The following MPZL1 variants were observed in gnomAD, a reference collection of about 807,000 sequenced individuals.
The protein encoded by MPZL1 is myelin protein zero like 1.
In MPZL1, 16 loss-of-function variants were observed where a neutral mutation model predicts 29.3. The observed-to-expected ratio is 0.55, with a 90% CI of 0.37 to 0.83. The LOEUF (loss-of-function observed/expected upper bound fraction) is 0.83, where lower values mean the gene tolerates loss of function less well. MPZL1 is among the 40% of genes least tolerant of loss of function. The pLI is 0.00. For synonymous variants in MPZL1, 143 were observed against 132.0 expected (o/e 1.08, Z -0.57); for missense variants, 279 against 332.9 (o/e 0.84, Z 1.26).
At chr1:167,743,753 AAT>A (rs1660586683) in intron 1 of MPZL1, among the ~76,000 whole-genome samples, 1 of 151,992 alleles carries the variant, frequency 6.6e-6, no homozygotes, top group Admixed American at 6.6e-5. Context: ...TGTTTACATT[AAT>A]TTTGCATCTG....
intron 1 of MPZL1, among the ~76,000 whole-genome samples, chr1:167,761,136 A>G (rs1001159616): frequency 6.6e-6 from 1 of 152,224 alleles, no homozygotes; most frequent in African/African-American, 2.4e-5. Flanking sequence ...TTTATCCAAG[A>G]GAACAGAAGA....
At chr1:167,748,781 T>C (rs967057662) in intron 1 of MPZL1, among the ~76,000 whole-genome samples, 1 of 152,218 alleles carries the variant, frequency 6.6e-6, no homozygotes, top group African/African-American at 2.4e-5. Context: ...TTTATTTGAG[T>C]TAATTTTTGT....
At chr1:167,736,689 T>C (rs1660385109) in intron 1 of MPZL1, among the ~76,000 whole-genome samples, 1 of 152,100 alleles carries the variant, frequency 6.6e-6, no homozygotes, top group Admixed American at 6.6e-5. Flanking sequence ...CTCCCTCCTT[T>C]CCATTGTCCC....
At chr1:167,768,328 C>T (rs1661164479) in intron 2 of MPZL1, among the ~76,000 whole-genome samples, 1 of 152,056 alleles carries the variant, frequency 6.6e-6, no homozygotes, top group Non-Finnish European at 1.5e-5. Flanking sequence ...TTTCCTACTT[C>T]TGAACACTTG....
At chr1:167,769,523 A>T (rs138270375) in intron 2 of MPZL1, among the ~76,000 whole-genome samples, 64 of 152,224 alleles carry the variant, frequency 4.2e-4, no homozygotes, top group African/African-American at 1.3e-3. Flanking sequence ...AGAGAAACAA[A>T]CACATGCTTT....
At chr1:167,773,105 T>G in intron 3 of MPZL1, 131 bp from the exon 4 acceptor site, 1 of 858,132 alleles carries the variant, frequency 1.2e-6, no homozygotes, top group East Asian at 2.5e-5. Context: ...GATAGTAGGA[T>G]CTCATAGTTT....
Position 167,778,523 on chromosome 1 carries a change from AGGATGGAT to A in MPZL1, c.708+2394_708+2401del, listed in dbSNP as rs10666527. Among the ~76,000 whole-genome samples, 406 of 147,342 alleles carry A rather than the reference AGGATGGAT, an allele frequency of 2.8e-3. 3 individuals carry two copies. The highest frequency in any genetic ancestry group is 8.5e-3 in the African/African-American group (337 of 39,534). On this transcript the variant is annotated intron_variant, in intron 5 of 5. Coordinates refer to ENST00000359523, the MANE Select transcript of MPZL1 (RefSeq NM_003953.6). Reference sequence around the variant, plus strand: ...ATAGATGGGTGGAAAGAAGGAAGGAAGGATGGATGGATGGATGGATGGATGGATGGATG... The same window carrying A: ...ATAGATGGGTGGAAAGAAGGAAGGAAGGATGGATGGATGGATGGATGGATG...
At chr1:167,729,484 A>C (rs1243153541) in intron 1 of MPZL1, among the ~76,000 whole-genome samples, 1 of 152,208 alleles carries the variant, frequency 6.6e-6, no homozygotes, top group Non-Finnish European at 1.5e-5. Context: ...GTGGCCAGAC[A>C]GTGTCTAATA....
intron 1 of MPZL1, among the ~76,000 whole-genome samples, chr1:167,754,450 T>C (rs374472121): frequency 6.6e-6 from 1 of 152,232 alleles, no homozygotes; most frequent in Non-Finnish European, 1.5e-5. Context: ...AATGTCCTGT[T>C]AACTCAGGCT....
At chr1:167,747,386 A>G (rs1217801208) in intron 1 of MPZL1, among the ~76,000 whole-genome samples, 2 of 152,048 alleles carry the variant, frequency 1.3e-5, no homozygotes, top group African/African-American at 4.8e-5. Context: ...ATGCCTGGCA[A>G]ATTTTTAAAA....
intron 2 of MPZL1, among the ~76,000 whole-genome samples, chr1:167,771,778 T>G (rs1661255150): frequency 1.3e-5 from 2 of 151,942 alleles, no homozygotes; most frequent in Admixed American, 1.3e-4. Flanking sequence ...GGCAGGTGGC[T>G]GGGAGGTGGA....
At chr1:167,787,477 C>A (rs1406945829) in intron 5 of MPZL1, among the ~76,000 whole-genome samples, 1 of 152,066 alleles carries the variant, frequency 6.6e-6, no homozygotes, top group Non-Finnish European at 1.5e-5. Context: ...AAGACTCTTA[C>A]CCCAATTGTA....
chr1:167,731,670 C>A (rs1660274502), intron 1 of MPZL1, among the ~76,000 whole-genome samples: 1 of 151,870 alleles, frequency 6.6e-6, no homozygotes, highest in Non-Finnish European at 1.5e-5. Context: ...GATTTCCTGA[C>A]CTCGTGATTC....
At chr1:167,778,465 C>T (rs1164727026) in intron 5 of MPZL1, among the ~76,000 whole-genome samples, 1 of 151,858 alleles carries the variant, frequency 6.6e-6, no homozygotes, top group East Asian at 1.9e-4. Flanking sequence ...TAAGACCAGC[C>T]TGGGCAATAT....
At position 167,776,547 on chromosome 1, in the gene MPZL1, G is replaced by T. The variant is rs183488481; in HGVS notation, c.708+381G>T. On this transcript the variant is annotated intron_variant, in intron 5 of 5. Transcript: ENST00000359523. ...TGAGGTACTCTAAGATAAGAAATTA[G>T]CAAGGAAAAGTTGGTATTCTTAGTA... 1.1e-3 allele frequency among the ~76,000 whole-genome samples: 175 copies of T among 152,264 alleles called. 2 individuals carry two copies. Among genetic ancestry groups the T allele is most frequent in the African/African-American group, 4.2e-3 (174 of 41,560 alleles).
At chr1:167,734,346 A>G (rs1238936640) in intron 1 of MPZL1, among the ~76,000 whole-genome samples, 1 of 152,032 alleles carries the variant, frequency 6.6e-6, no homozygotes, top group East Asian at 1.9e-4. Flanking sequence ...CAGGCCTGGC[A>G]TTTCAAGTTC....
intron 1 of MPZL1, among the ~76,000 whole-genome samples, chr1:167,731,930 T>C (rs1047700979): frequency 1.3e-5 from 2 of 152,206 alleles, no homozygotes; most frequent in Non-Finnish European, 2.9e-5. Context: ...CACAAATACT[T>C]TGAAAATTAA....
At chr1:167,733,416 C>T (rs1413691069) in intron 1 of MPZL1, among the ~76,000 whole-genome samples, 1 of 152,200 alleles carries the variant, frequency 6.6e-6, no homozygotes, top group African/African-American at 2.4e-5. Context: ...TGGGACTCCC[C>T]TCACAGATCT....
intron 1 of MPZL1, among the ~76,000 whole-genome samples, chr1:167,735,547 T>C (rs1287551822): frequency 6.6e-6 from 1 of 152,184 alleles, no homozygotes; most frequent in Non-Finnish European, 1.5e-5. Flanking sequence ...ATAGATAACC[T>C]ATCTATATCT....
Sources: gnomAD v4.1 joint callset for allele counts (sites outside exome capture counted in the v4.1 genomes callset) on GRCh38, gnomAD v4.1.1 for gene constraint, MANE v1.5 for transcripts, NCBI Gene and HGNC (gene_info 2026-07-23, HGNC 2026-07-21) for gene names.